Variants in GDAP2 observed in about 807,000 individuals in gnomAD.
GDAP2 encodes ganglioside-induced differentiation-associated protein 2.
GDAP2 carries 51 observed loss-of-function variants against 67.0 expected under a neutral mutation model. The ratio of observed to expected loss-of-function variants is 0.76; its 90% confidence interval spans 0.61 to 0.96. The LOEUF (loss-of-function observed/expected upper bound fraction) is 0.96. GDAP2 is among the 40% of genes least tolerant of loss of function. The pLI, the probability that GDAP2 is intolerant of heterozygous loss-of-function variation, is 0.00. For synonymous variants in GDAP2, 203 were observed against 207.3 expected (o/e 0.98, Z 0.18); for missense variants, 547 against 588.3 (o/e 0.93, Z 0.73).
intron 1 of GDAP2, among the ~76,000 whole-genome samples, chr1:117,923,243 G>A (rs1393384261): frequency 1.3e-5 from 2 of 152,154 alleles, no homozygotes; most frequent in East Asian, 3.8e-4. Flanking sequence ...AGGGTCCTGA[G>A]GTGACATACA....
chr1:117,920,947 A>G (rs186215369), intron 1 of GDAP2, among the ~76,000 whole-genome samples: 1 of 152,280 alleles, frequency 6.6e-6, no homozygotes, highest in East Asian at 1.9e-4. Context: ...CAAAATACAA[A>G]GGAAGGATGA....
intron 1 of GDAP2, among the ~76,000 whole-genome samples, chr1:117,923,457 C>A (rs887969252): frequency 2.0e-5 from 3 of 152,320 alleles, no homozygotes; most frequent in South Asian, 4.1e-4. Flanking sequence ...AATTTATGTT[C>A]TTCTGCCATG....
chr1:117,894,142 A>ATT (rs757044124), intron 8 of GDAP2, among the ~76,000 whole-genome samples: 5 of 142,428 alleles, frequency 3.5e-5, no homozygotes, highest in Non-Finnish European at 3.1e-5. Context: ...TCTCAATAAC[A>ATT]TTTTTTTTTT....
rs1193430108 is a variant in GDAP2, at chr1:117,895,488, T to C, written c.953+1345A>G. 3.3e-5 allele frequency among the ~76,000 whole-genome samples: 5 copies of C among 152,110 alleles called. No individual in the cohort carries two copies. The South Asian group carries it at 6.2e-4, about 19-fold the overall frequency. On this transcript the variant is annotated intron_variant, in intron 8 of 13. Transcript: ENST00000369443. ...GATAAATATTGATAGATACAACCCA[T>C]AAAAACAAAAGCTCTCTGGGGTCCT...
chr1:117,884,166 G>C (rs1223501237), intron 10 of GDAP2, among the ~76,000 whole-genome samples: 1 of 152,098 alleles, frequency 6.6e-6, no homozygotes, highest in Non-Finnish European at 1.5e-5. Context: ...AATTTTTTTA[G>C]ATCTTTAGTG....
At chr1:117,873,123 T>C (rs1648345156) in intron 13 of GDAP2, among the ~76,000 whole-genome samples, 4 of 152,214 alleles carry the variant, frequency 2.6e-5, no homozygotes, top group Admixed American at 1.3e-4. Context: ...CATTATTAAT[T>C]TCACACTGGG....
chr1:117,876,014 A>G (rs1228274523), intron 13 of GDAP2, among the ~76,000 whole-genome samples: 1 of 152,082 alleles, frequency 6.6e-6, no homozygotes, highest in African/African-American at 2.4e-5. Flanking sequence ...GGATGGAATG[A>G]TTGTATTTTG....
intron 13 of GDAP2, among the ~76,000 whole-genome samples, chr1:117,874,368 T>C (rs1176974440): frequency 6.6e-6 from 1 of 152,210 alleles, no homozygotes; most frequent in African/African-American, 2.4e-5. Context: ...TCTTGCTTTC[T>C]CTTTTGCCAT....
chr1:117,871,464 A>C (rs1264595280), intron 13 of GDAP2, among the ~76,000 whole-genome samples: 1 of 152,254 alleles, frequency 6.6e-6, no homozygotes, highest in African/African-American at 2.4e-5. Context: ...TCACAAACAG[A>C]TAATGCTTAG....
Position 117,878,149 on chromosome 1 carries a change from A to AC in GDAP2, c.1305dup (p.Ser436ValfsTer36), listed in dbSNP as rs1557794465. On this transcript the variant is annotated frameshift_variant, in exon 13 of 14. Transcript: ENST00000369443. LOFTEE classifies it high-confidence loss of function. ...GAAAAGGTGGTAAAAAACCATGTTG[A>AC]CACCTGATTAATAGAAGAGAAAAAA... 2 of 1,536,802 alleles carry AC rather than the reference A, an allele frequency of 1.3e-6. No homozygotes were observed. Among genetic ancestry groups the AC allele is most frequent in the Middle Eastern group, 3.4e-4 (2 of 5,884 alleles).
chr1:117,870,509 G>C lies in GDAP2; in HGVS notation c.*60C>G. On this transcript the variant is annotated 3_prime_UTR_variant, in exon 14 of 14. Transcript: ENST00000369443. ...AGCAACAATGAATATCACTTCAACA[G>C]GTAGCTATTCGTGGAGGAAGTGGCA... 1 of 989,862 alleles carries C rather than the reference G, an allele frequency of 1.0e-6. No homozygotes were observed. Among genetic ancestry groups the C allele is most frequent in the African/African-American group, 1.6e-5 (1 of 62,956 alleles). 61.3% of individuals were successfully genotyped at this position (989,862 alleles called of 1,614,324 possible).
At chr1:117,895,428 A>G (rs2101135093) in intron 8 of GDAP2, among the ~76,000 whole-genome samples, 1 of 152,304 alleles carries the variant, frequency 6.6e-6, no homozygotes, top group Admixed American at 6.5e-5. Flanking sequence ...CTCAATAAAA[A>G]AGTTATTTTA....
Position 117,870,365 on chromosome 1 carries a change from T to G in GDAP2, c.*204A>C, listed in dbSNP as rs1648213887. ...TTTCCATTTCATATAAATATACAAA[T>G]TTAAAATGTGTGCAGTTCAGAATGG... On this transcript the variant is annotated 3_prime_UTR_variant, in exon 14 of 14. Coordinates refer to ENST00000369443, the MANE Select transcript of GDAP2 (RefSeq NM_017686.4). The G allele has an allele frequency of 1.8e-6, 1 of 542,906 alleles. No individual in the cohort carries two copies. The highest frequency in any genetic ancestry group is 3.3e-6 in the Non-Finnish European group (1 of 306,422). 33.6% of individuals were successfully genotyped at this position (542,906 alleles called of 1,614,324 possible).
At position 117,912,525 on chromosome 1, in the gene GDAP2, C is replaced by T; in HGVS notation, c.470+5G>A. The stretch of plus-strand genomic sequence containing the variant: ...TGCTATGTCCAGAAAATGAGTAGAC[C>T]ATACTTTGCTAGTTGAAGTACGTTT... On this transcript the variant is annotated splice_donor_5th_base_variant and intron_variant, in intron 4 of 13. Transcript: ENST00000369443. 6.2e-7 allele frequency: 1 copy of T among 1,611,222 alleles called. No homozygotes were observed. Among genetic ancestry groups the T allele is most frequent in the Non-Finnish European group, 8.5e-7 (1 of 1,178,006 alleles).
intron 12 of GDAP2, among the ~76,000 whole-genome samples, chr1:117,878,385 T>A (rs773136677): frequency 3.9e-5 from 6 of 152,212 alleles, no homozygotes; most frequent in Admixed American, 6.5e-5. Context: ...TGAGTTTTGT[T>A]TCATGAAGCT....
intron 10 of GDAP2, among the ~76,000 whole-genome samples, chr1:117,885,592 T>C (rs939700734): frequency 1.3e-5 from 2 of 152,190 alleles, no homozygotes; most frequent in Non-Finnish European, 2.9e-5. Flanking sequence ...TTTAACTTTT[T>C]GCTACAAATG....
At chr1:117,877,356 G>A in intron 13 of GDAP2, 4 of 981,140 alleles carry the variant, frequency 4.1e-6, no homozygotes, top group Non-Finnish European at 4.8e-6. Context: ...ATCAGCAACA[G>A]TTAAACAATC....
Position 117,896,858 on chromosome 1 carries a change from C to A in GDAP2, c.928G>T (p.Ala310Ser), listed in dbSNP as rs542042482. 3.7e-6 allele frequency: 6 copies of A among 1,612,426 alleles called. No homozygotes were observed. In the East Asian group the frequency reaches 1.3e-4, roughly 36 times the overall value. The change falls in exon 8 of 14, where the codon GCT becomes TCT. Residue 310 changes from alanine (A) to serine (S), a missense_variant. Transcript: ENST00000369443. ...TTTCTTTGATGCTGCTTCTGCAGAG[C>A]TGCCTCTGATAATTGTCCCTGAAGG... ...LILQGQLSEA[A>S]LQKQHQRNYN...
intron 3 of GDAP2, among the ~76,000 whole-genome samples, chr1:117,917,468 T>C (rs1203737192): frequency 6.6e-6 from 1 of 152,196 alleles, no homozygotes; most frequent in Non-Finnish European, 1.5e-5. Flanking sequence ...GTCCATTATT[T>C]AATTTAGTCT....
Sources: gnomAD v4.1 joint callset for allele counts (sites outside exome capture counted in the v4.1 genomes callset) on GRCh38, gnomAD v4.1.1 for gene constraint, MANE v1.5 for transcripts, NCBI Gene and HGNC (gene_info 2026-07-23, HGNC 2026-07-21) for gene names.